Variants in ULK2 observed in about 807,000 individuals in gnomAD.
ULK2 encodes serine/threonine-protein kinase ULK2.
A neutral mutation model predicts 127.5 loss-of-function variants in ULK2; 76 were observed. That is an observed-to-expected ratio of 0.60 (90% CI 0.50 to 0.72). The LOEUF is 0.72. Ranked by LOEUF, ULK2 falls within the 30% of genes least tolerant of loss-of-function variation. The pLI is 0.00. For missense variants in ULK2, 1,144 were observed against 1,295.9 expected, an observed-to-expected ratio of 0.88 and a Z score of 1.80; for synonymous variants, 452 against 461.9, an observed-to-expected ratio of 0.98 and a Z score of 0.28.
At position 19,796,443 on chromosome 17, in the gene ULK2, G is replaced by A. The variant is rs112765963; in HGVS notation, c.1810-161C>T. Among the ~76,000 whole-genome samples the A allele has an allele frequency of 1.8e-4, 27 of 152,184 alleles. 1 individual carries two copies. Among genetic ancestry groups the A allele is most frequent in the Admixed American group, 1.4e-3 (22 of 15,268 alleles). Reference sequence around the variant, plus strand: ...AAGATGCAAACCTTCTTGGAAGGCCGGGAGGTTTTACAAAAGTTAGGATTT... The same window carrying A: ...AAGATGCAAACCTTCTTGGAAGGCCAGGAGGTTTTACAAAAGTTAGGATTT... On this transcript the variant is annotated intron_variant, in intron 18 of 26. Coordinates refer to ENST00000395544, the MANE Select transcript of ULK2 (RefSeq NM_014683.4).
At chr17:19,786,381 A>G (rs1279275035) in intron 20 of ULK2, among the ~76,000 whole-genome samples, 1 of 152,214 alleles carries the variant, frequency 6.6e-6, no homozygotes, top group Non-Finnish European at 1.5e-5. Context: ...TGTTGAAGAC[A>G]GTACTAAAAA....
rs908772465 is a variant in ULK2, at chr17:19,770,856, T to G, written c.*5493A>C. ...GGGTCGATCAAATGCTTGAGTTTAT[T>G]AACATGTCTCCCAAGTCTTTTTTAC... On this transcript the variant is annotated 3_prime_UTR_variant, in exon 27 of 27. Transcript: ENST00000395544. 2 of 152,220 alleles carry G rather than the reference T, an allele frequency of 1.3e-5. No individual in the cohort carries two copies. Among genetic ancestry groups the G allele is most frequent in the African/African-American group, 2.4e-5 (1 of 41,470 alleles). 9.4% of individuals were successfully genotyped at this position (152,220 alleles called of 1,614,324 possible).
intron 1 of ULK2, among the ~76,000 whole-genome samples, chr17:19,866,964 G>C (rs948771903): frequency 1.2e-4 from 19 of 152,140 alleles, no homozygotes; most frequent in African/African-American, 3.9e-4. Flanking sequence ...CCAGCCCTGG[G>C]CACGGGGAAA....
chr17:19,829,889 C>A (rs1446122071), intron 10 of ULK2, among the ~76,000 whole-genome samples: 1 of 147,776 alleles, frequency 6.8e-6, no homozygotes, highest in African/African-American at 2.5e-5. Flanking sequence ...GTCAATTAAC[C>A]AAGAAAATTT....
intron 9 of ULK2, chr17:19,840,291 C>T (rs565430936): frequency 1.1e-4 from 60 of 524,576 alleles, no homozygotes; most frequent in Non-Finnish European, 1.8e-4. Context: ...CAACCCCAAC[C>T]GCAGAGGGCT....
rs886997936 is a variant in ULK2, at chr17:19,771,928, C to T, written c.*4421G>A. ...GGACAGGAGATCATGCTGCAGAGCC[C>T]AGGGAGGTCCGCCCTGCGCAGAGAG... On this transcript the variant is annotated 3_prime_UTR_variant, in exon 27 of 27. Transcript: ENST00000395544. 1 of 152,464 alleles carries T rather than the reference C, an allele frequency of 6.6e-6. No individual in the cohort carries two copies. The highest frequency in any genetic ancestry group is 2.1e-4 in the South Asian group (1 of 4,828). The allele number at this position is 152,464 out of a possible 1,614,324, so 9.4% of individuals were successfully genotyped here. A position where few individuals can be genotyped will look rare whatever the true frequency, so the allele number is the denominator to read the frequency against.
At chr17:19,800,574 G>C (rs530509337) in intron 16 of ULK2, among the ~76,000 whole-genome samples, 1 of 152,272 alleles carries the variant, frequency 6.6e-6, no homozygotes, top group Non-Finnish European at 1.5e-5. Context: ...CATTGCAACA[G>C]GTAATGTGGC....
intron 26 of ULK2, 113 bp from the exon 27 acceptor site, chr17:19,776,520 C>T (rs2086814928): frequency 9.9e-7 from 1 of 1,011,762 alleles, no homozygotes; most frequent in Non-Finnish European, 1.4e-6. Context: ...CTTCTTTCTG[C>T]TTGGTAATAG....
chr17:19,817,529 A>C (rs2041021491), intron 12 of ULK2, among the ~76,000 whole-genome samples: 1 of 152,194 alleles, frequency 6.6e-6, no homozygotes. Flanking sequence ...TTGATTTGTT[A>C]GTAGGAGATA....
chr17:19,851,702 C>T (rs2042019601), intron 3 of ULK2, among the ~76,000 whole-genome samples: 1 of 151,772 alleles, frequency 6.6e-6, no homozygotes, highest in Non-Finnish European at 1.5e-5. Context: ...GTTTCTTCTT[C>T]TGGAAAAAGG....
chr17:19,820,134 C>T (rs1049612462), intron 12 of ULK2, among the ~76,000 whole-genome samples: 2 of 151,506 alleles, frequency 1.3e-5, no homozygotes, highest in African/African-American at 2.4e-5. Context: ...CTGCAACCTC[C>T]GCCTCCCGGG....
At chr17:19,818,990 G>A (rs772187675) in intron 12 of ULK2, among the ~76,000 whole-genome samples, 22 of 151,654 alleles carry the variant, frequency 1.5e-4, no homozygotes, top group Non-Finnish European at 2.1e-4. Context: ...TAGTAGAGAC[G>A]GGGTTTCACC....
intron 22 of ULK2, 66 bp downstream of exon 22, chr17:19,783,631 G>A (rs1351490451): frequency 7.5e-7 from 1 of 1,332,884 alleles, no homozygotes; most frequent in Non-Finnish European, 9.8e-7. Context: ...TTTTGTTCTT[G>A]TCATCACTAG....
At chr17:19,790,447 C>G (rs1445496014) in intron 20 of ULK2, among the ~76,000 whole-genome samples, 1 of 151,896 alleles carries the variant, frequency 6.6e-6, no homozygotes, top group Non-Finnish European at 1.5e-5. Context: ...TAAATTGAAT[C>G]AATGGATAGT....
At chr17:19,845,472 G>A (rs2041859000) in intron 6 of ULK2, 95 bp from the exon 7 acceptor site, 16 of 948,426 alleles carry the variant, frequency 1.7e-5, no homozygotes, top group Non-Finnish European at 2.5e-5. Context: ...AAGGCACAAA[G>A]GACTGTGAAA....
At position 19,867,676 on chromosome 17, in the gene ULK2, C is replaced by A. The variant is rs929315157; in HGVS notation, c.-259G>T. 23 of 221,468 alleles carry A rather than the reference C, an allele frequency of 1.0e-4. No individual in the cohort carries two copies. The highest frequency in any genetic ancestry group is 1.8e-4 in the Non-Finnish European group (21 of 114,460). The allele number at this position is 221,468 out of a possible 1,614,324, so 13.7% of individuals were successfully genotyped here. A position where few individuals can be genotyped will look rare whatever the true frequency, so the allele number is the denominator to read the frequency against. ...CTGCCGCCGGCCGCTGGCTGTCTGGCGAAGCGGCCTCGGCGCTGCCGGGCC... is the reference window on the plus strand; with the variant it reads ...CTGCCGCCGGCCGCTGGCTGTCTGGAGAAGCGGCCTCGGCGCTGCCGGGCC... On this transcript the variant is annotated 5_prime_UTR_variant, in exon 1 of 27. Transcript: ENST00000395544.
rs751585231 is a variant in ULK2, at chr17:19,801,825, G to A, written c.1393C>T (p.Arg465Ter). The A allele has an allele frequency of 4.3e-6, 7 of 1,614,230 alleles. No individual in the cohort carries two copies. Among genetic ancestry groups the A allele is most frequent in the Admixed American group, 1.7e-5 (1 of 60,016 alleles). The change falls in exon 16 of 27, where the codon CGA (arginine) becomes TGA (stop). Residue 465 changes from arginine to a stop codon, truncating the protein, a stop_gained. Coordinates refer to ENST00000395544, the MANE Select transcript of ULK2 (RefSeq NM_014683.4). LOFTEE classifies it high-confidence loss of function. ...CTAGAAGACCCAGTGGAGAGCCTTC[G>A]TCCAACTGTCTGTGCTGTGTCTGCT... ...VPADTAQTVG[R>*]RLSTGSSRPY...
At chr17:19,808,703 G>C (rs537176533) in intron 14 of ULK2, among the ~76,000 whole-genome samples, 2 of 152,282 alleles carry the variant, frequency 1.3e-5, no homozygotes, top group South Asian at 4.1e-4. Context: ...CATTAGAGAA[G>C]TGCAAATCAA....
At chr17:19,795,969 A>G (rs1336623696) in intron 19 of ULK2, 126 bp downstream of exon 19, 56 of 1,316,242 alleles carry the variant, frequency 4.3e-5, no homozygotes, top group Non-Finnish European at 5.2e-6. Flanking sequence ...TACGTGGTAC[A>G]TATCAATAAC....
Sources: allele counts gnomAD v4.1 joint callset (sites outside exome capture counted in the v4.1 genomes callset), GRCh38; gene constraint gnomAD v4.1.1; transcripts MANE v1.5; gene names NCBI Gene and HGNC (gene_info 2026-07-23, HGNC 2026-07-21).